The following RBFOX3 variants were observed in gnomAD, a reference collection of about 807,000 sequenced individuals.
RBFOX3 encodes the protein RNA binding fox-1 homolog 3.
In RBFOX3, 17 loss-of-function variants were observed where a neutral mutation model predicts 48.7. The ratio of observed to expected loss-of-function variants is 0.35; its 90% CI spans 0.24 to 0.52. The LOEUF (loss-of-function observed/expected upper bound fraction) is 0.52. RBFOX3 is among the 20% of genes least tolerant of loss of function. The probability of loss-of-function intolerance (pLI) is 0.94; values close to 1 mark genes in which losing one functional copy is unlikely to be tolerated. For synonymous variants in RBFOX3, 212 were observed against 209.5 expected (o/e 1.01, Z -0.10); for missense variants, 382 against 497.5 (o/e 0.77, Z 2.21).
chr17:79,160,988 A>C (rs2145306970), intron 4 of RBFOX3, among the ~76,000 whole-genome samples: 1 of 152,128 alleles, frequency 6.6e-6, no homozygotes, highest in East Asian at 1.9e-4. Context: ...CTCAAAAAAA[A>C]AAAAAAAAAC....
At chr17:79,225,953 G>A (rs755860855) in intron 4 of RBFOX3, among the ~76,000 whole-genome samples, 12 of 152,146 alleles carry the variant, frequency 7.9e-5, no homozygotes, top group Non-Finnish European at 1.8e-4. Flanking sequence ...TGGGGGTGTG[G>A]GAGGGCAGAG....
Position 79,361,033 on chromosome 17 carries a change from T to C in RBFOX3, c.-174-53209A>G, listed in dbSNP as rs1012903377. ...CGTGCCTGGGAAGAACATCAGCTTT[T>C]GGAAACAGAAGTTCACGTCTCAGGC... On this transcript the variant is annotated intron_variant, in intron 2 of 14. Transcript: ENST00000693108. This position sits in a 1 kb window ranked among gnomAD's most constrained non-coding sequence, Gnocchi z 4.5. 1.3e-5 allele frequency among the ~76,000 whole-genome samples: 2 copies of C among 152,136 alleles called. No homozygotes were observed. Among genetic ancestry groups the C allele is most frequent in the Non-Finnish European group, 2.9e-5 (2 of 68,014 alleles).
chr17:79,634,692 T>C, the RBFOX3 span, among the ~76,000 whole-genome samples: 1 of 152,126 alleles, frequency 6.6e-6, no homozygotes, highest in Non-Finnish European at 1.5e-5. Context: ...GCTGTGAGTG[T>C]CTTGGCTGCA....
In RBFOX3 at chr17:79,535,788, C is replaced by T. The variant is rs1182063609; in HGVS notation, c.-319-53190G>A. 6.6e-6 allele frequency among the ~76,000 whole-genome samples: 1 copy of T among 152,166 alleles called. No individual in the cohort carries two copies. The highest frequency in any genetic ancestry group is 1.5e-5 in the Non-Finnish European group (1 of 68,028). On this transcript the variant is annotated intron_variant, in intron 1 of 14. Transcript: ENST00000693108. The surrounding 1 kb of genome is among the most constrained non-coding windows in gnomAD (Gnocchi z 4.5). The stretch of plus-strand genomic sequence containing the variant: ...CTGCATTTGCTAGGGCCACCAGCTG[C>T]CACTTACTCCAAGGAACAGGGTGGG...
intron 12 of RBFOX3, 113 bp downstream of exon 12, chr17:79,096,540 G>T: frequency 2.1e-6 from 2 of 936,372 alleles, no homozygotes; most frequent in Non-Finnish European, 3.3e-6. Context: ...TGGCTTCAAG[G>T]GTGGGATGGG....
chr17:79,220,456 C>A lies in RBFOX3; in HGVS notation c.-34+15310G>T, dbSNP rs181699439. Among the ~76,000 whole-genome samples the A allele has an allele frequency of 6.6e-6, 1 of 152,140 alleles. No individual in the cohort carries two copies. The highest frequency in any genetic ancestry group is 2.1e-4 in the South Asian group (1 of 4,826). Reference sequence around the variant, plus strand: ...TTTATTTCCCCAGGTTGCTCAGCTCCGTGCCTGCTCTCCGCTCGCCCATCG... The same window carrying A: ...TTTATTTCCCCAGGTTGCTCAGCTCAGTGCCTGCTCTCCGCTCGCCCATCG... On this transcript the variant is annotated intron_variant, in intron 4 of 14. Transcript: ENST00000693108. The surrounding 1 kb of genome is among the most constrained non-coding windows in gnomAD (Gnocchi z 5.9).
chr17:79,501,000 A>AG (rs2082305927), intron 1 of RBFOX3, among the ~76,000 whole-genome samples: 1 of 152,140 alleles, frequency 6.6e-6, no homozygotes, highest in Admixed American at 6.6e-5. Flanking sequence ...ATCACTGCCG[A>AG]GGGGAGATTA....
chr17:79,359,056 C>T (rs1208162263), intron 2 of RBFOX3, among the ~76,000 whole-genome samples: 1 of 152,222 alleles, frequency 6.6e-6, no homozygotes, highest in African/African-American at 2.4e-5. Context: ...TGGGTTTGCA[C>T]CAGGCCAGGT....
chr17:79,618,642 C>T, the RBFOX3 span, among the ~76,000 whole-genome samples: 2 of 152,226 alleles, frequency 1.3e-5, no homozygotes, highest in African/African-American at 4.8e-5. Context: ...TCCGTCTGGA[C>T]AAATGGATTT....
At chr17:79,495,798 T>G (rs1429024208) in intron 1 of RBFOX3, among the ~76,000 whole-genome samples, 2 of 149,404 alleles carry the variant, frequency 1.3e-5, no homozygotes, top group South Asian at 2.2e-4. Context: ...ACAGTCTGGG[T>G]GCAGGTGTAG....
At chr17:79,420,493 C>A (rs1008982788) in intron 2 of RBFOX3, among the ~76,000 whole-genome samples, 9 of 152,160 alleles carry the variant, frequency 5.9e-5, no homozygotes, top group East Asian at 1.9e-4. Context: ...TCCCCTGGGA[C>A]CTTCTCCCTC....
chr17:79,307,310 G>A (rs938276584), intron 3 of RBFOX3, among the ~76,000 whole-genome samples: 1 of 152,220 alleles, frequency 6.6e-6, no homozygotes. Flanking sequence ...CAGCCCCGGT[G>A]GGAGCCACCC....
At chr17:79,404,251 A>C (rs1007895902) in intron 2 of RBFOX3, among the ~76,000 whole-genome samples, 1 of 152,196 alleles carries the variant, frequency 6.6e-6, no homozygotes, top group Non-Finnish European at 1.5e-5. Context: ...GGGCGTGGGC[A>C]GGGCCACAGC....
chr17:79,347,353 G>T (rs2146864939), intron 2 of RBFOX3, among the ~76,000 whole-genome samples: 1 of 152,164 alleles, frequency 6.6e-6, no homozygotes, highest in African/African-American at 2.4e-5. Context: ...GGGACTCCAA[G>T]ACCTCTTCAA....
chr17:79,461,072 G>C (rs2075305133), intron 2 of RBFOX3, among the ~76,000 whole-genome samples: 1 of 152,112 alleles, frequency 6.6e-6, no homozygotes, highest in Non-Finnish European at 1.5e-5. Context: ...TGTTTGTTCT[G>C]CCTCACTGCA....
chr17:79,211,212 C>T (rs777286053), intron 4 of RBFOX3, among the ~76,000 whole-genome samples: 26 of 152,190 alleles, frequency 1.7e-4, no homozygotes, highest in African/African-American at 6.0e-4. Context: ...CGGCCCGATG[C>T]GGGCTGGTCT....
chr17:79,350,621 C>A (rs2146971239), intron 2 of RBFOX3, among the ~76,000 whole-genome samples: 1 of 152,264 alleles, frequency 6.6e-6, no homozygotes, highest in African/African-American at 2.4e-5. Flanking sequence ...TGGCTGTGAC[C>A]CCTGCCCCAC....
intron 2 of RBFOX3, among the ~76,000 whole-genome samples, chr17:79,462,752 G>A (rs1668203704): frequency 6.6e-6 from 1 of 152,100 alleles, no homozygotes; most frequent in Non-Finnish European, 1.5e-5. Context: ...CCCAGATACG[G>A]AATTATAAAA....
chr17:79,451,335 C>T (rs1555741568), intron 2 of RBFOX3, among the ~76,000 whole-genome samples: 1 of 152,160 alleles, frequency 6.6e-6, no homozygotes, highest in African/African-American at 2.4e-5. Flanking sequence ...GTGTGGGTGA[C>T]AATCACAGGC....
Sources: allele counts gnomAD v4.1 joint callset (sites outside exome capture counted in the v4.1 genomes callset), GRCh38; gene constraint gnomAD v4.1.1; non-coding constraint Gnocchi (gnomAD v3.1); transcripts MANE v1.5; gene names NCBI Gene and HGNC (gene_info 2026-07-23, HGNC 2026-07-21).